PRPF8: variants seen among roughly 807,000 people sequenced by gnomAD.
The protein encoded by PRPF8 is pre-mRNA-processing-splicing factor 8.
In PRPF8, 64 loss-of-function variants were observed where a neutral mutation model predicts 285.9. The observed-to-expected ratio is 0.22, with a 90% CI of 0.18 to 0.28. PRPF8 has a LOEUF of 0.28. Ranked by LOEUF, PRPF8 falls within the 10% of genes least tolerant of loss-of-function variation. The probability of loss-of-function intolerance (pLI) is 1.00; values close to 1 mark genes in which losing one functional copy is unlikely to be tolerated. For synonymous variants in PRPF8, 1,325 were observed against 1,118.2 expected (o/e 1.18, Z -3.69); for missense variants, 1,426 against 3,026.7 (o/e 0.47, Z 12.41).
At chr17:1,677,766 G>A (rs1045225676) in intron 13 of PRPF8, 72 bp from the exon 14 acceptor site, 5 of 1,592,638 alleles carry the variant, frequency 3.1e-6, no homozygotes, top group Admixed American at 3.3e-5. Context: ...CCTGGGCAGA[G>A]GTGGGGCATA....
rs1315359248 is a variant in PRPF8, at chr17:1,679,844, GCA to G, written c.1099-47_1099-46del. On this transcript the variant is annotated intron_variant, in intron 8 of 42. Coordinates refer to ENST00000304992, the MANE Select transcript of PRPF8 (RefSeq NM_006445.4). This position sits in a 1 kb window ranked among gnomAD's most constrained non-coding sequence, Gnocchi z 4.7. ...AAGGGTTTAGCTCCTGCTGAACTAGGCACAGACTTAAGATGAGGGAAATTCTC... is the reference window on the plus strand; with the variant it reads ...AAGGGTTTAGCTCCTGCTGAACTAGGCAGACTTAAGATGAGGGAAATTCTC... The G allele has an allele frequency of 2.5e-6, 4 of 1,600,722 alleles. No individual in the cohort carries two copies. The South Asian group carries it at 3.3e-5, about 13-fold the overall frequency.
At chr17:1,666,018 T>C (rs1440938613) in intron 24 of PRPF8, among the ~76,000 whole-genome samples, 1 of 150,116 alleles carries the variant, frequency 6.7e-6, no homozygotes, top group African/African-American at 2.5e-5. Flanking sequence ...AAAAAAAATA[T>C]TAGCCGGGTG....
rs537936200 is a variant in PRPF8, at chr17:1,676,242, G to A, written c.2517C>T (p.Leu839=). Reference sequence around the variant, plus strand: ...CCTTGAGCCGCTCCAATGCCAAGATGAGCAACTTGGTGTCATGCTTATAGG... The same window carrying A: ...CCTTGAGCCGCTCCAATGCCAAGATAAGCAACTTGGTGTCATGCTTATAGG... The part of the protein sequence containing the change: ...PLSYKHDTKL[L]ILALERLKEA... The change falls in exon 17 of 43, where the codon CTC becomes CTT. Residue 839 remains leucine (L), a synonymous_variant. Coordinates refer to ENST00000304992, the MANE Select transcript of PRPF8 (RefSeq NM_006445.4). The surrounding 1 kb of genome is among the most constrained non-coding windows in gnomAD (Gnocchi z 6.3). 7.8e-5 allele frequency: 126 copies of A among 1,613,970 alleles called. No homozygotes were observed. The highest frequency in any genetic ancestry group is 7.1e-4 in the South Asian group (65 of 91,064).
chr17:1,671,248 T>A (rs1912300908), intron 24 of PRPF8, among the ~76,000 whole-genome samples: 1 of 152,196 alleles, frequency 6.6e-6, no homozygotes, highest in South Asian at 2.1e-4. Context: ...GAGCAATCAC[T>A]AACTCTAGTG....
At position 1,655,338 on chromosome 17, in the gene PRPF8, A is replaced by G. The variant is rs1597227551; in HGVS notation, c.5987+12T>C. On this transcript the variant is annotated intron_variant, in intron 37 of 42. Transcript: ENST00000304992. ...TAGACCTCCTGTCTGTGTCCCCACC[A>G]GCACTGCTCACTTGTTTTTCTTGCC... is the stretch of plus-strand genomic sequence containing the variant. The G allele has an allele frequency of 6.2e-7, 1 of 1,612,768 alleles. No individual in the cohort carries two copies.
chr17:1,676,266 GGA>G lies in PRPF8; in HGVS notation c.2491_2492del (p.Ser831LeufsTer2). 6.2e-7 allele frequency: 1 copy of G among 1,614,056 alleles called. No individual in the cohort carries two copies. Among genetic ancestry groups the G allele is most frequent in the Non-Finnish European group, 8.5e-7 (1 of 1,180,028 alleles). The stretch of plus-strand genomic sequence containing the variant: ...TGAGCAACTTGGTGTCATGCTTATA[GGA>G]GAGTGGGGGGAATGGGATGGGTGAA... The part of the protein sequence containing the change: ...RFSPIPFPPL[S>X]YKHDTKLLIL... On this transcript the variant is annotated frameshift_variant, in exon 17 of 43. Transcript: ENST00000304992. LOFTEE classifies it high-confidence loss of function. This position sits in a 1 kb window ranked among gnomAD's most constrained non-coding sequence, Gnocchi z 6.3.
rs58844762 is a variant in PRPF8 at position 1,657,970 on chromosome 17, A to C, written c.5505+283T>G. On this transcript the variant is annotated intron_variant, in intron 34 of 42. Transcript: ENST00000304992. ...TGGGCCACACAGCGAGACTCCGGCT[A>C]AAAAAAAAAAAAAAAAAAAAGAGTA... Among the ~76,000 whole-genome samples the C allele has an allele frequency of 5.9e-3, 476 of 81,204 alleles. 11 individuals carry two copies. The highest frequency in any genetic ancestry group is 0.026 in the African/African-American group (209 of 8,150). The allele number at this position is 81,204 out of a possible 152,430, so 53.3% of individuals were successfully genotyped here.
intron 8 of PRPF8, chr17:1,680,365 CTG>C: frequency 5.4e-6 from 2 of 367,812 alleles, no homozygotes; most frequent in South Asian, 2.8e-5. Context: ...TGGGACAACT[CTG>C]AGAATAAGCT....
At position 1,682,165 on chromosome 17, in the gene PRPF8, G is replaced by A; in HGVS notation, c.398C>T (p.Pro133Leu). 2 of 1,613,962 alleles carry A rather than the reference G, an allele frequency of 1.2e-6. No homozygotes were observed. Among genetic ancestry groups the A allele is most frequent in the Non-Finnish European group, 1.7e-6 (2 of 1,179,990 alleles). The change falls in exon 4 of 43, where the codon CCC (proline) becomes CTC (leucine). Residue 133 changes from proline to leucine, a missense_variant. By Grantham distance (98) the Pro-to-Leu change is moderately conservative (BLOSUM62 -3). This residue lies in a region of PRPF8 where 96 missense variants were observed against 188.3 expected (regional missense o/e 0.51). Coordinates refer to ENST00000304992, the MANE Select transcript of PRPF8 (RefSeq NM_006445.4). ...TGAISFVNEI[P>L]WVIEPVYISQ... is the part of the protein sequence containing the mutation. ...GATGTAGACAGGTTCAATGACCCAGGGAATCTCATTGACGAAGGAAATGGC... is the reference window on the plus strand; with the variant it reads ...GATGTAGACAGGTTCAATGACCCAGAGAATCTCATTGACGAAGGAAATGGC...
intron 24 of PRPF8, among the ~76,000 whole-genome samples, chr17:1,667,962 G>T (rs949269731): frequency 6.6e-6 from 1 of 152,200 alleles, no homozygotes; most frequent in African/African-American, 2.4e-5. Context: ...GCAGGCATAA[G>T]CCACCATGCC....
At chr17:1,662,943 T>C (rs1399007966) in intron 24 of PRPF8, among the ~76,000 whole-genome samples, 1 of 151,432 alleles carries the variant, frequency 6.6e-6, no homozygotes, top group East Asian at 1.9e-4. Flanking sequence ...CAAAAAAATA[T>C]TTTTTCTCAT....
intron 2 of PRPF8, 73 bp downstream of exon 2, chr17:1,684,399 G>C: frequency 6.7e-7 from 1 of 1,498,658 alleles, no homozygotes; most frequent in Non-Finnish European, 9.3e-7. Flanking sequence ...AACGGGGAGG[G>C]TCCCCACCCG....
chr17:1,680,985 G>A lies in PRPF8; in HGVS notation c.936C>T (p.Tyr312=), dbSNP rs1425758242. 6.2e-7 allele frequency: 1 copy of A among 1,613,414 alleles called. No individual in the cohort carries two copies. The highest frequency in any genetic ancestry group is 1.7e-5 in the Admixed American group (1 of 60,014). ...TGTACAAGTAAGGAAAAGCAATCTTGTACTCAGTGCGGATAGGCTGCCGGA... is the reference window on the plus strand; with the variant it reads ...TGTACAAGTAAGGAAAAGCAATCTTATACTCAGTGCGGATAGGCTGCCGGA... The part of the protein sequence containing the change: ...IIIRQPIRTE[Y]KIAFPYLYNN... Residue 312 remains tyrosine, a synonymous_variant, in exon 7 of 43, where the codon TAC becomes TAT. Coordinates refer to ENST00000304992, the MANE Select transcript of PRPF8 (RefSeq NM_006445.4).
intron 1 of PRPF8, 80 bp from the exon 2 acceptor site, chr17:1,684,662 C>G (rs1597252976): frequency 7.5e-7 from 1 of 1,325,510 alleles, no homozygotes; most frequent in East Asian, 2.5e-5. Flanking sequence ...CGTCCGGGGA[C>G]CCCGGCCTGC....
At chr17:1,662,551 T>G (rs1911722802) in intron 24 of PRPF8, among the ~76,000 whole-genome samples, 1 of 150,214 alleles carries the variant, frequency 6.7e-6, no homozygotes. Context: ...ATTGTGCCAC[T>G]GCATTCCAGC....
chr17:1,653,818 A>G lies in PRPF8; in HGVS notation c.6186T>C (p.Tyr2062=). Residue 2062 remains tyrosine, a synonymous_variant, in exon 38 of 43, where the codon TAT becomes TAC. Transcript: ENST00000304992. The surrounding 1 kb of genome is among the most constrained non-coding windows in gnomAD (Gnocchi z 4.9). ...TCTTGGATGAGAAAGTCTGGGTCTCATAGTTGCTGGTGGTGGAGGTGATGA... is the reference window on the plus strand; with the variant it reads ...TCTTGGATGAGAAAGTCTGGGTCTCGTAGTTGCTGGTGGTGGAGGTGATGA... The part of the protein sequence containing the change: ...DEIITSTTSN[Y]ETQTFSSKTE... 1 of 1,614,076 alleles carries G rather than the reference A, an allele frequency of 6.2e-7. No homozygotes were observed. Among genetic ancestry groups the G allele is most frequent in the Non-Finnish European group, 8.5e-7 (1 of 1,180,006 alleles).
Position 1,657,907 on chromosome 17 carries a change from C to G in PRPF8, c.5505+346G>C, listed in dbSNP as rs1450253045. On this transcript the variant is annotated intron_variant, in intron 34 of 42. Coordinates refer to ENST00000304992, the MANE Select transcript of PRPF8 (RefSeq NM_006445.4). Reference sequence around the variant, plus strand: ...AATGGCGTGAACCCGGGAGGCGGAGCTTGCAGTGAACCGAGATTGAGCCAC... The same window carrying G: ...AATGGCGTGAACCCGGGAGGCGGAGGTTGCAGTGAACCGAGATTGAGCCAC... 2.0e-5 allele frequency among the ~76,000 whole-genome samples: 3 copies of G among 149,392 alleles called. No individual in the cohort carries two copies. The East Asian group carries it at 5.9e-4, about 29-fold the overall frequency.
In PRPF8 at chr17:1,659,170, C is replaced by T. The variant is rs1290296112; in HGVS notation, c.5138+187G>A. The T allele has an allele frequency of 1.3e-5, 9 of 708,292 alleles. No homozygotes were observed. Among genetic ancestry groups the T allele is most frequent in the Middle Eastern group, 3.7e-4 (1 of 2,716 alleles). The allele number at this position is 708,292 out of a possible 1,614,324, so 43.9% of individuals were successfully genotyped here. A position where few individuals can be genotyped will look rare whatever the true frequency, so the allele number is the denominator to read the frequency against. ...CCTTCTGAGTAGCTGGGACTACAGG[C>T]GTGGACCACCACGCCCAGCTAATTT... On this transcript the variant is annotated intron_variant, in intron 32 of 42. Transcript: ENST00000304992. The surrounding 1 kb of genome is among the most constrained non-coding windows in gnomAD (Gnocchi z 5.1).
chr17:1,659,312 C>G lies in PRPF8; in HGVS notation c.5138+45G>C. On this transcript the variant is annotated intron_variant, in intron 32 of 42. Coordinates refer to ENST00000304992, the MANE Select transcript of PRPF8 (RefSeq NM_006445.4). The surrounding 1 kb of genome is among the most constrained non-coding windows in gnomAD (Gnocchi z 5.1). Reference sequence around the variant, plus strand: ...AAGTGCTGGGATTACAGGTGTGAGCCACTGCGCCTGGCCTGAAAATACATG... The same window carrying G: ...AAGTGCTGGGATTACAGGTGTGAGCGACTGCGCCTGGCCTGAAAATACATG... 1 of 1,608,818 alleles carries G rather than the reference C, an allele frequency of 6.2e-7. No homozygotes were observed. The highest frequency in any genetic ancestry group is 8.5e-7 in the Non-Finnish European group (1 of 1,176,134).
Sources: gnomAD v4.1 joint callset for allele counts (sites outside exome capture counted in the v4.1 genomes callset) on GRCh38, gnomAD v4.1.1 for gene constraint, gnomAD v4.1.1 regional missense constraint, Gnocchi (gnomAD v3.1) non-coding constraint, MANE v1.5 for transcripts, NCBI Gene and HGNC (gene_info 2026-07-23, HGNC 2026-07-21) for gene names.